The following AVEN variants were observed in gnomAD, a reference collection of about 807,000 sequenced individuals.
The protein encoded by AVEN is apoptosis and caspase activation inhibitor.
Under a neutral mutation model 38.1 loss-of-function variants are expected in AVEN, and 41 were observed. The observed-to-expected ratio is 1.08, with a 90% confidence interval of 0.84 to 1.40. The LOEUF is 1.40. Among genes scored for constraint, AVEN ranks in the 40% most tolerant of loss-of-function variants. The pLI is 0.00. For synonymous variants in AVEN, 206 were observed against 171.8 expected (o/e 1.20, Z -1.56); for missense variants, 605 against 438.8 (o/e 1.38, Z -3.38).
At chr15:34,075,181 CAA>C (rs58860397), upstream of AVEN, among the ~76,000 whole-genome samples, 220 of 67,280 alleles carry the variant, frequency 3.3e-3, no homozygotes, top group African/African-American at 0.011. Context: ...GACTCTGGCT[CAA>C]AAAAAAAAAA....
intron 2 of AVEN, among the ~76,000 whole-genome samples, chr15:33,900,314 T>A (rs1168678008): frequency 6.6e-6 from 1 of 151,974 alleles, no homozygotes; most frequent in Non-Finnish European, 1.5e-5. Context: ...GAACATTTTT[T>A]TTTTTTTTTT....
intron 2 of AVEN, among the ~76,000 whole-genome samples, chr15:33,910,399 A>G (rs1892874056): frequency 1.3e-5 from 2 of 152,182 alleles, no homozygotes; most frequent in African/African-American, 4.8e-5. Context: ...TTTACCACAT[A>G]CTCAATACCT....
rs1052075863 is a variant in AVEN at position 34,021,862 on chromosome 15, A to AAAAAT, written c.267+16913_267+16917dup. Among the ~76,000 whole-genome samples the AAAAAT allele has an allele frequency of 1.8e-3, 278 of 152,176 alleles. 2 individuals carry two copies. The highest frequency in any genetic ancestry group is 6.4e-3 in the African/African-American group (267 of 41,484). On this transcript the variant is annotated intron_variant, in intron 1 of 5. Transcript: ENST00000306730. ...CAGCGCAAGACTCCATCTCAAAAATAAAAATAAAATAAAATAAAATAAGAG... is the reference window on the plus strand; with the variant it reads ...CAGCGCAAGACTCCATCTCAAAAATAAAAATAAAATAAAATAAAATAAAATAAGAG...
At chr15:33,887,718 G>A (rs1440822732) in intron 2 of AVEN, among the ~76,000 whole-genome samples, 1 of 152,044 alleles carries the variant, frequency 6.6e-6, no homozygotes, top group Non-Finnish European at 1.5e-5. Context: ...CTTTCCTCAA[G>A]GACTTAGAGG....
chr15:33,900,448 C>T (rs1892446072), intron 2 of AVEN, among the ~76,000 whole-genome samples: 1 of 151,972 alleles, frequency 6.6e-6, no homozygotes, highest in Non-Finnish European at 1.5e-5. Flanking sequence ...GCTGGGACTA[C>T]AGGCATGAGC....
chr15:33,894,905 T>C (rs1159267661), intron 2 of AVEN, among the ~76,000 whole-genome samples: 1 of 151,258 alleles, frequency 6.6e-6, no homozygotes, highest in Non-Finnish European at 1.5e-5. Context: ...AACTTTTTCC[T>C]AACTTGTATA....
chr15:34,014,922 A>C (rs773245569), intron 1 of AVEN, among the ~76,000 whole-genome samples: 1 of 152,150 alleles, frequency 6.6e-6, no homozygotes, highest in Non-Finnish European at 1.5e-5. Context: ...TAAAAGATAA[A>C]CAGAAAGGAA....
chr15:33,982,025 AT>A (rs929766543), intron 2 of AVEN, among the ~76,000 whole-genome samples: 2 of 144,500 alleles, frequency 1.4e-5, no homozygotes, highest in Admixed American at 6.9e-5. Context: ...TAATTTTTGT[AT>A]TTTTTCTTTT....
In AVEN at chr15:33,867,750, G is replaced by A; in HGVS notation, c.718C>T (p.Pro240Ser). 6.2e-7 allele frequency: 1 copy of A among 1,614,118 alleles called. No homozygotes were observed. The highest frequency in any genetic ancestry group is 8.5e-7 in the Non-Finnish European group (1 of 1,180,022). ...GCCACAGATTTCAGCTCAAAGATGG[G>A]CCCCCTTCCTCCAGGCCCCAAGGGC... The part of the protein sequence containing the change: ...KGPLGPGGRG[P>S]IFELKSVAAG... Residue 240 changes from proline (P) to serine (S), a missense_variant, in exon 5 of 6, where the codon CCC (proline) becomes TCC (serine). Physicochemically the swap from Pro to Ser is moderately conservative, Grantham distance 74 (BLOSUM62 -1). Transcript: ENST00000306730.
intron 2 of AVEN, among the ~76,000 whole-genome samples, chr15:33,971,285 A>G (rs1895627708): frequency 6.6e-6 from 1 of 152,100 alleles, no homozygotes; most frequent in Non-Finnish European, 1.5e-5. Flanking sequence ...TCATTCACAC[A>G]TATTATATAA....
intron 1 of AVEN, among the ~76,000 whole-genome samples, chr15:34,032,213 T>C (rs1208791197): frequency 6.6e-6 from 1 of 152,176 alleles, no homozygotes; most frequent in Non-Finnish European, 1.5e-5. Context: ...GAAAACACCT[T>C]TGCAACCACC....
chr15:34,038,552 T>C (rs1899268634), intron 1 of AVEN, among the ~76,000 whole-genome samples: 1 of 150,726 alleles, frequency 6.6e-6, no homozygotes, highest in South Asian at 2.1e-4. Flanking sequence ...ACCCCCACTG[T>C]CTCGCGCCAG....
intron 3 of AVEN, among the ~76,000 whole-genome samples, chr15:33,873,780 T>C (rs114650187): frequency 0.028 from 4,256 of 152,144 alleles, 202 homozygotes; most frequent in African/African-American, 0.096. Flanking sequence ...TCTTATTTTT[T>C]TCCATTCATG....
chr15:33,939,356 A>G (rs908144440), intron 2 of AVEN, among the ~76,000 whole-genome samples: 1 of 152,270 alleles, frequency 6.6e-6, no homozygotes. Flanking sequence ...AGGAGACAGG[A>G]GCATAGGCTA....
chr15:33,855,962 C>G (rs1446880678), downstream of AVEN: 2 of 152,136 alleles, frequency 1.3e-5, no homozygotes, highest in Non-Finnish European at 2.9e-5. Context: ...ATGTCCAAAC[C>G]TTTGTACGGG....
At chr15:33,860,096 G>C (rs12903228) in intron 11 of AVEN, among the ~76,000 whole-genome samples, 280 of 142,780 alleles carry the variant, frequency 2.0e-3, no homozygotes, top group Admixed American at 3.7e-3. Flanking sequence ...CAGTGCAGGG[G>C]AGGGGAGGGA....
chr15:33,984,559 C>T (rs1283854015), intron 2 of AVEN, among the ~76,000 whole-genome samples: 1 of 152,094 alleles, frequency 6.6e-6, no homozygotes, highest in Non-Finnish European at 1.5e-5. Context: ...TGCTCCATCA[C>T]ACCCGGCTAA....
chr15:34,034,701 A>T (rs1899035477), intron 1 of AVEN, among the ~76,000 whole-genome samples: 1 of 152,216 alleles, frequency 6.6e-6, no homozygotes, highest in Non-Finnish European at 1.5e-5. Flanking sequence ...CAGTGAGAAA[A>T]GCAACTTAAA....
intron 2 of AVEN, among the ~76,000 whole-genome samples, chr15:33,987,535 A>G (rs546505806): frequency 6.1e-4 from 93 of 152,218 alleles, no homozygotes; most frequent in African/African-American, 2.1e-3. Context: ...CTCTGGGACC[A>G]TCTCTTTGCC....
Sources: allele counts gnomAD v4.1 joint callset (sites outside exome capture counted in the v4.1 genomes callset), GRCh38; gene constraint gnomAD v4.1.1; transcripts MANE v1.5; gene names NCBI Gene and HGNC (gene_info 2026-07-23, HGNC 2026-07-21).